NMNAT3: variants seen among roughly 807,000 people sequenced by gnomAD.
NMNAT3 encodes the protein nicotinamide nucleotide adenylyltransferase 3, also known as nicotinamide/nicotinic acid mononucleotide adenylyltransferase 3.
In NMNAT3, 21 loss-of-function variants were observed where a neutral mutation model predicts 24.8. The ratio of observed to expected loss-of-function variants is 0.85; its 90% CI spans 0.60 to 1.22. NMNAT3 has a LOEUF of 1.22. NMNAT3 is among the 50% of genes most tolerant of loss of function. The probability of loss-of-function intolerance (pLI) is 0.00; values close to 1 mark genes in which losing one functional copy is unlikely to be tolerated. For synonymous variants in NMNAT3, 136 were observed against 155.2 expected (o/e 0.88, Z 0.92); for missense variants, 387 against 436.6 (o/e 0.89, Z 1.01).
At chr3:139,641,882 GA>G (rs1471432673) in intron 1 of NMNAT3, among the ~76,000 whole-genome samples, 7 of 152,116 alleles carry the variant, frequency 4.6e-5, no homozygotes, top group African/African-American at 1.4e-4. Flanking sequence ...TGCTTCAGGG[GA>G]TAAGAGGCAT....
chr3:139,643,099 C>A (rs2056760475), intron 1 of NMNAT3, among the ~76,000 whole-genome samples: 1 of 152,096 alleles, frequency 6.6e-6, no homozygotes, highest in Non-Finnish European at 1.5e-5. Context: ...TATGAATGGC[C>A]AAGAAGCACA....
chr3:139,671,768 A>C (rs954148985), intron 1 of NMNAT3, among the ~76,000 whole-genome samples: 2 of 152,130 alleles, frequency 1.3e-5, no homozygotes, highest in African/African-American at 4.8e-5. Flanking sequence ...CTGATCTTTA[A>C]AATGAAGATT....
At chr3:139,673,929 C>A (rs1009013201) in intron 1 of NMNAT3, among the ~76,000 whole-genome samples, 4 of 152,002 alleles carry the variant, frequency 2.6e-5, no homozygotes. Flanking sequence ...CCGACAGGCA[C>A]CCGCTGGTAC....
At chr3:139,566,501 A>T (rs2108005325) in intron 6 of NMNAT3, 1 of 152,312 alleles carries the variant, frequency 6.6e-6, no homozygotes, top group Non-Finnish European at 1.5e-5. Flanking sequence ...TTTAGGTCTA[A>T]CATTTAAGTC....
At chr3:139,630,519 C>T (rs950224788) in intron 2 of NMNAT3, among the ~76,000 whole-genome samples, 1 of 152,206 alleles carries the variant, frequency 6.6e-6, no homozygotes, top group East Asian at 1.9e-4. Flanking sequence ...CTTTCCTATC[C>T]ACTGGACAGT....
chr3:139,619,798 A>G (rs970289790), intron 3 of NMNAT3, among the ~76,000 whole-genome samples: 2 of 152,218 alleles, frequency 1.3e-5, no homozygotes, highest in East Asian at 1.9e-4. Context: ...AATAACTTTA[A>G]CGTTATTCTG....
chr3:139,560,287 C>T lies in NMNAT3; in HGVS notation c.*723G>A, dbSNP rs1358120419. ...AAAAAGATCCTTTAAAACGGTCAGG[C>T]ATCTGTTTTACCTCAGTTCCTTTTT... On this transcript the variant is annotated 3_prime_UTR_variant, in exon 7 of 7. Transcript: ENST00000643695. The T allele has an allele frequency of 6.6e-6, 1 of 152,636 alleles. No homozygotes were observed. The highest frequency in any genetic ancestry group is 1.9e-4 in the East Asian group (1 of 5,204). The allele number at this position is 152,636 out of a possible 1,614,324, so 9.5% of individuals were successfully genotyped here. A position where few individuals can be genotyped will look rare whatever the true frequency, so the allele number is the denominator to read the frequency against.
chr3:139,666,354 A>G (rs2057582794), intron 1 of NMNAT3, among the ~76,000 whole-genome samples: 1 of 152,212 alleles, frequency 6.6e-6, no homozygotes, highest in Non-Finnish European at 1.5e-5. Flanking sequence ...CATGCTGTGC[A>G]GAAATCTAGG....
At chr3:139,606,692 A>T (rs1344923955) in intron 3 of NMNAT3, among the ~76,000 whole-genome samples, 1 of 152,166 alleles carries the variant, frequency 6.6e-6, no homozygotes, top group Non-Finnish European at 1.5e-5. Context: ...TCTATTTCTG[A>T]CATTCTTTCT....
chr3:139,673,727 C>T (rs1263302789), intron 1 of NMNAT3, among the ~76,000 whole-genome samples: 1 of 151,986 alleles, frequency 6.6e-6, no homozygotes, highest in Non-Finnish European at 1.5e-5. Context: ...GTCATTTTGA[C>T]TCACTGTTTG....
Position 139,560,968 on chromosome 3 carries a change from A to G in NMNAT3, c.*42T>C, listed in dbSNP as rs1936292004. 1 of 1,577,354 alleles carries G rather than the reference A, an allele frequency of 6.3e-7. No individual in the cohort carries two copies. The highest frequency in any genetic ancestry group is 1.2e-5 in the South Asian group (1 of 85,952). On this transcript the variant is annotated 3_prime_UTR_variant, in exon 7 of 7. Transcript: ENST00000643695. ...AAACCTTAACAGCCCTCTCCCCAGC[A>G]GGAGCTTGTTGGAGGAGGTGTGGGT...
intron 3 of NMNAT3, among the ~76,000 whole-genome samples, chr3:139,615,670 A>T (rs2055464051): frequency 6.6e-6 from 1 of 152,196 alleles, no homozygotes; most frequent in African/African-American, 2.4e-5. Context: ...TATCTATAAG[A>T]TATGTACTTA....
chr3:139,591,277 G>T (rs1244273721), intron 3 of NMNAT3, among the ~76,000 whole-genome samples: 2 of 151,822 alleles, frequency 1.3e-5, no homozygotes, highest in South Asian at 2.1e-4. Context: ...AAGAAACGGC[G>T]CACGACGAGA....
intron 3 of NMNAT3, among the ~76,000 whole-genome samples, chr3:139,591,112 G>A (rs1051858859): frequency 4.0e-5 from 6 of 151,240 alleles, no homozygotes; most frequent in Admixed American, 2.0e-4. Flanking sequence ...GTGTGTGTGC[G>A]CACCGTGCGC....
chr3:139,607,704 A>G (rs1373582486), intron 3 of NMNAT3, among the ~76,000 whole-genome samples: 1 of 152,124 alleles, frequency 6.6e-6, no homozygotes, highest in Non-Finnish European at 1.5e-5. Context: ...AGTCAGAGCT[A>G]TATAAAGAGG....
At chr3:139,566,712 A>C (rs1397021121) in intron 6 of NMNAT3, 2 of 152,068 alleles carry the variant, frequency 1.3e-5, no homozygotes, top group African/African-American at 4.8e-5. Flanking sequence ...GTTCTGTTCC[A>C]TTGGTCTATA....
Position 139,579,048 on chromosome 3 carries a change from G to C in NMNAT3, c.399C>G (p.Tyr133Ter). ...GAGAGATGATACCCTGGATGACCTG[G>C]TACATTCCTAGGTAAGAGAGAGCAG... Residue 133 changes from tyrosine to a stop codon, truncating the protein, a stop_gained, in exon 5 of 7, where the codon TAC becomes TAG. Transcript: ENST00000643695. LOFTEE classifies it high-confidence loss of function. 1.2e-6 allele frequency: 2 copies of C among 1,613,386 alleles called. No individual in the cohort carries two copies. Among genetic ancestry groups the C allele is most frequent in the East Asian group, 4.5e-5 (2 of 44,880 alleles).
At chr3:139,591,181 C>A (rs1477144984) in intron 3 of NMNAT3, among the ~76,000 whole-genome samples, 1 of 151,322 alleles carries the variant, frequency 6.6e-6, no homozygotes, top group African/African-American at 2.4e-5. Context: ...CAGGGAGTTC[C>A]CTTTCCGAGT....
intron 1 of NMNAT3, among the ~76,000 whole-genome samples, chr3:139,670,759 G>A (rs1393879390): frequency 6.6e-6 from 1 of 152,218 alleles, no homozygotes; most frequent in Non-Finnish European, 1.5e-5. Context: ...AACTGTGTGT[G>A]TTGGGTTGTG....
Sources: gnomAD v4.1 joint callset for allele counts (sites outside exome capture counted in the v4.1 genomes callset) on GRCh38, gnomAD v4.1.1 for gene constraint, MANE v1.5 for transcripts, NCBI Gene and HGNC (gene_info 2026-07-23, HGNC 2026-07-21) for gene names.